The following STXBP4 variants were observed in gnomAD, a reference collection of about 807,000 sequenced individuals.
STXBP4 encodes the protein syntaxin binding protein 4.
STXBP4 carries 55 observed loss-of-function variants against 76.1 expected under a neutral mutation model. That is an observed-to-expected ratio of 0.72 (90% confidence interval 0.58 to 0.91). The LOEUF is 0.91. Among genes scored for constraint, STXBP4 ranks in the 40% least tolerant of loss-of-function variants. The pLI, the probability that STXBP4 is intolerant of heterozygous loss-of-function variation, is 0.00. For synonymous variants in STXBP4, 201 were observed against 220.2 expected, an observed-to-expected ratio of 0.91 and a Z score of 0.77; for missense variants, 618 against 636.9, an observed-to-expected ratio of 0.97 and a Z score of 0.32.
chr17:55,003,141 C>A (rs1272757937), intron 7 of STXBP4, among the ~76,000 whole-genome samples: 1 of 152,022 alleles, frequency 6.6e-6, no homozygotes, highest in Non-Finnish European at 1.5e-5. Context: ...GAGATCGTTT[C>A]AAGTTAAGGA....
chr17:54,973,321 A>G (rs186037690), intron 1 of STXBP4, among the ~76,000 whole-genome samples: 43 of 152,348 alleles, frequency 2.8e-4, no homozygotes, highest in Non-Finnish European at 3.2e-4. Context: ...CAAAACAACA[A>G]CAAAAACACT....
intron 7 of STXBP4, among the ~76,000 whole-genome samples, chr17:55,005,900 G>A (rs2077997946): frequency 6.6e-6 from 1 of 151,696 alleles, no homozygotes; most frequent in South Asian, 2.1e-4. Flanking sequence ...GTTTGGCACA[G>A]GATTTCTCTT....
intron 16 of STXBP4, among the ~76,000 whole-genome samples, chr17:55,123,763 G>C (rs244337): frequency 6.6e-6 from 1 of 151,714 alleles, no homozygotes; most frequent in Admixed American, 6.6e-5. Context: ...AGCCAAGCAT[G>C]GTGGCCCGCG....
chr17:55,013,684 C>T (rs558817976), intron 8 of STXBP4, among the ~76,000 whole-genome samples: 67 of 152,328 alleles, frequency 4.4e-4, no homozygotes, highest in Non-Finnish European at 8.5e-4. Flanking sequence ...CACAAGGTTT[C>T]TGAACAGGCA....
At chr17:55,043,489 A>G in intron 11 of STXBP4, 164 bp downstream of exon 11, 2 of 867,536 alleles carry the variant, frequency 2.3e-6, no homozygotes, top group Non-Finnish European at 3.4e-6. Flanking sequence ...GCCTTTAGAG[A>G]ATTAATTTTT....
intron 11 of STXBP4, among the ~76,000 whole-genome samples, chr17:55,046,349 T>C (rs1427832456): frequency 1.3e-5 from 2 of 151,946 alleles, no homozygotes; most frequent in Non-Finnish European, 2.9e-5. Flanking sequence ...CCAGAAAGGA[T>C]ATTGCCTTTT....
chr17:54,977,179 G>A (rs1408671048), intron 1 of STXBP4, among the ~76,000 whole-genome samples: 2 of 152,060 alleles, frequency 1.3e-5, no homozygotes, highest in Non-Finnish European at 2.9e-5. Context: ...TAGCATTTCT[G>A]AACTCGTTAG....
chr17:54,990,775 A>G, intron 3 of STXBP4, 50 bp from the exon 4 acceptor site: 1 of 1,524,658 alleles, frequency 6.6e-7, no homozygotes, highest in Non-Finnish European at 8.7e-7. Context: ...AGAAAAAAAT[A>G]GGTGCAGATC....
the STXBP4 span, among the ~76,000 whole-genome samples, chr17:55,204,438 T>C: frequency 1.5e-3 from 229 of 152,286 alleles, 1 homozygote; most frequent in African/African-American, 3.6e-3. Context: ...ATGTGCTTTT[T>C]GATTAATTCT....
downstream of STXBP4, among the ~76,000 whole-genome samples, chr17:55,176,303 G>A (rs940569944): frequency 2.0e-5 from 3 of 152,170 alleles, no homozygotes; most frequent in Non-Finnish European, 2.9e-5. Flanking sequence ...TTTGGAGGAA[G>A]TTATGCCTCA....
At chr17:55,191,925 C>T in the STXBP4 span, among the ~76,000 whole-genome samples, 13 of 152,184 alleles carry the variant, frequency 8.5e-5, no homozygotes, top group Non-Finnish European at 1.6e-4. Context: ...GTTTCCACAA[C>T]ATCTTTCTTA....
At chr17:55,064,179 G>A (rs750255701) in intron 12 of STXBP4, among the ~76,000 whole-genome samples, 30 of 152,040 alleles carry the variant, frequency 2.0e-4, no homozygotes, top group East Asian at 7.7e-4. Context: ...TTGATTAACC[G>A]TCATCCATGT....
At chr17:55,029,790 A>G (rs2078475485) in intron 8 of STXBP4, among the ~76,000 whole-genome samples, 1 of 152,022 alleles carries the variant, frequency 6.6e-6, no homozygotes, top group African/African-American at 2.4e-5. Context: ...TTATTTCTTT[A>G]CAGTTGTTCT....
At chr17:54,995,225 T>C (rs1273520532) in intron 4 of STXBP4, among the ~76,000 whole-genome samples, 2 of 152,186 alleles carry the variant, frequency 1.3e-5, no homozygotes, top group African/African-American at 4.8e-5. Flanking sequence ...GGATTACTGA[T>C]CTGCTTATTT....
In STXBP4 at chr17:54,999,446, G is replaced by A; in HGVS notation, c.282G>A (p.Lys94=). The change falls in exon 5 of 18, where the codon AAG becomes AAA. Residue 94 remains lysine, a synonymous_variant. Coordinates refer to ENST00000376352, the MANE Select transcript of STXBP4 (RefSeq NM_178509.6). Reference sequence around the variant, plus strand: ...CAAAAAGCATAATTACCGGAGCCAAGTTGAGGTAACTATACTATCCATGAG... The same window carrying A: ...CAAAAAGCATAATTACCGGAGCCAAATTGAGGTAACTATACTATCCATGAG... ...EEAKSIITGA[K]LRLESAWEIA... is the part of the protein sequence containing the mutation. 1 of 1,610,062 alleles carries A rather than the reference G, an allele frequency of 6.2e-7. No homozygotes were observed. The highest frequency in any genetic ancestry group is 8.5e-7 in the Non-Finnish European group (1 of 1,177,928).
In STXBP4 at chr17:55,108,258, C is replaced by A. The variant is rs147670260; in HGVS notation, c.1489+27075C>A. On this transcript the variant is annotated intron_variant, in intron 16 of 17. Transcript: ENST00000376352. ...CTCAGTAATGGTGGACGCCCCTCCCCCAGCAAGCTCCAGCATCCCAGGTCA... is the reference window on the plus strand; with the variant it reads ...CTCAGTAATGGTGGACGCCCCTCCCACAGCAAGCTCCAGCATCCCAGGTCA... Among the ~76,000 whole-genome samples the A allele has an allele frequency of 7.7e-4, 117 of 152,306 alleles. 1 individual carries two copies. Among genetic ancestry groups the A allele is most frequent in the Middle Eastern group, 3.4e-3 (1 of 294 alleles).
intron 11 of STXBP4, chr17:55,043,758 A>C (rs1249061747): frequency 1.3e-5 from 13 of 1,006,948 alleles, no homozygotes; most frequent in Admixed American, 5.5e-5. Flanking sequence ...TGGAATTAAT[A>C]TTATTTTAGA....
chr17:55,048,016 C>T (rs530988881), intron 12 of STXBP4, among the ~76,000 whole-genome samples: 1 of 151,562 alleles, frequency 6.6e-6, no homozygotes, highest in African/African-American at 2.4e-5. Flanking sequence ...ACAAAATCAC[C>T]CCCAGAAAGA....
At chr17:55,176,997 C>T (rs2080433529), downstream of STXBP4, among the ~76,000 whole-genome samples, 2 of 152,108 alleles carry the variant, frequency 1.3e-5, no homozygotes, top group South Asian at 4.2e-4. Context: ...TTGGCCCCCA[C>T]CAGTTCTCAG....
Sources: gnomAD v4.1 joint callset for allele counts (sites outside exome capture counted in the v4.1 genomes callset) on GRCh38, gnomAD v4.1.1 for gene constraint, MANE v1.5 for transcripts, NCBI Gene and HGNC (gene_info 2026-07-23, HGNC 2026-07-21) for gene names.